Variants in EXOC3 observed in about 807,000 individuals in gnomAD.
EXOC3 encodes exocyst complex component 3, also known as SEC6-like 1.
Under a neutral mutation model 73.7 loss-of-function variants are expected in EXOC3, and 21 were observed. The observed-to-expected ratio is 0.29, with a 90% confidence interval of 0.20 to 0.41. The LOEUF is 0.41. EXOC3 is among the 10% of genes least tolerant of loss of function. The probability of loss-of-function intolerance (pLI) is 1.00; values close to 1 mark genes in which losing one functional copy is unlikely to be tolerated. For missense variants in EXOC3, 842 were observed against 985.1 expected, an observed-to-expected ratio of 0.85 and a Z score of 1.95; for synonymous variants, 410 against 389.1, an observed-to-expected ratio of 1.05 and a Z score of -0.63.
chr5:464,862 C>G (rs1738093332), intron 10 of EXOC3: 1 of 557,356 alleles, frequency 1.8e-6, no homozygotes, highest in African/African-American at 1.9e-5. Context: ...ATGCGCGGCA[C>G]TGCCTCGCCC....
intron 11 of EXOC3, 120 bp downstream of exon 11, chr5:465,392 G>T: frequency 8.2e-7 from 1 of 1,216,060 alleles, no homozygotes; most frequent in South Asian, 1.4e-5. Flanking sequence ...GGCGGGGGGA[G>T]CCTGGGTCCA....
At chr5:462,340 G>C in intron 9 of EXOC3, 33 bp downstream of exon 9, 1 of 1,613,274 alleles carries the variant, frequency 6.2e-7, no homozygotes, top group African/African-American at 1.3e-5. Context: ...GCCGTTTTCT[G>C]GGCCGAAGCC....
chr5:462,161 T>C lies in EXOC3; in HGVS notation c.1507T>C (p.Ser503Pro), dbSNP rs1277288447. The C allele has an allele frequency of 1.9e-6, 3 of 1,613,750 alleles. No homozygotes were observed. Among genetic ancestry groups the C allele is most frequent in the Non-Finnish European group, 1.7e-6 (2 of 1,179,854 alleles). ...IINNCQTFKESIVSLKRKYLK... is the reference protein window; with the variant it reads ...IINNCQTFKEPIVSLKRKYLK... ...ACCTGAACCCTTTCCTTGCAGGGAA[T>C]CCATAGTCAGTTTAAAAAGAAAGTA... The change falls in exon 9 of 13, where the codon TCC becomes CCC. Residue 503 changes from serine to proline, a missense_variant. By Grantham distance (74) the Ser-to-Pro change is moderately conservative. Coordinates refer to ENST00000512944, the MANE Select transcript of EXOC3 (RefSeq NM_007277.5).
chr5:447,698 G>A lies in EXOC3; in HGVS notation c.310G>A (p.Val104Met), dbSNP rs756997796. 6 of 1,590,102 alleles carry A rather than the reference G, an allele frequency of 3.8e-6. No individual in the cohort carries two copies. The African/African-American group carries it at 5.4e-5, about 14-fold the overall frequency. ...ESLKDVKDAV[V>M]QHSQLAAAVE... ...CCTCAAGGACGTCAAAGACGCCGTG[G>A]TGCAGCACAGCCAGCTCGCCGCAGC... The change falls in exon 3 of 13, where the codon GTG becomes ATG. Residue 104 changes from valine (V) to methionine (M), a missense_variant. Val to Met is a conservative substitution (Grantham distance 21, BLOSUM62 1). Transcript: ENST00000512944.
chr5:466,635 G>A (rs1193917221), intron 12 of EXOC3, 92 bp from the exon 13 acceptor site: 3 of 1,319,138 alleles, frequency 2.3e-6, no homozygotes, highest in Non-Finnish European at 3.1e-6. Flanking sequence ...CCTGTGTTCT[G>A]TCAGCTGGGG....
intron 6 of EXOC3, 86 bp downstream of exon 6, chr5:458,111 G>T: frequency 1.4e-6 from 2 of 1,391,644 alleles, no homozygotes; most frequent in Non-Finnish European, 2.0e-6. Context: ...CAGATACCTG[G>T]GATCTTCATC....
At chr5:456,043 T>C (rs1361615720) in intron 4 of EXOC3, among the ~76,000 whole-genome samples, 1 of 152,256 alleles carries the variant, frequency 6.6e-6, no homozygotes, top group Non-Finnish European at 1.5e-5. Flanking sequence ...GTTCCAGTCA[T>C]CACCGTCTGC....
chr5:454,964 G>A (rs1323117878), intron 4 of EXOC3, among the ~76,000 whole-genome samples: 1 of 149,764 alleles, frequency 6.7e-6, no homozygotes, highest in African/African-American at 2.5e-5. Flanking sequence ...CAATACAGAA[G>A]GACAGAAGAG....
Position 465,211 on chromosome 5 carries a change from G to T in EXOC3, c.1877G>T (p.Gly626Val), listed in dbSNP as rs768980216. The T allele has an allele frequency of 3.8e-6, 6 of 1,594,016 alleles. No individual in the cohort carries two copies. Among genetic ancestry groups the T allele is most frequent in the Non-Finnish European group, 5.1e-6 (6 of 1,170,660 alleles). Reference protein sequence around the residue: ...SFRSPEERKEGAEKMVREAEQ... With the variant: ...SFRSPEERKEVAEKMVREAEQ... ...CGGAGCCCGGAGGAGCGCAAGGAGGGTGCCGAGAAGATGGTTAGGGAGGCA... is the reference window on the plus strand; with the variant it reads ...CGGAGCCCGGAGGAGCGCAAGGAGGTTGCCGAGAAGATGGTTAGGGAGGCA... The change falls in exon 11 of 13, where the codon GGT becomes GTT. Residue 626 changes from glycine (G) to valine (V), a missense_variant. By Grantham distance (109) the Gly-to-Val change is moderately radical. Coordinates refer to ENST00000512944, the MANE Select transcript of EXOC3 (RefSeq NM_007277.5).
chr5:466,696 T>C (rs2434697), intron 12 of EXOC3, 31 bp from the exon 13 acceptor site: 1,385,546 of 1,592,376 alleles, frequency 0.87, 606,349 homozygotes, highest in African/African-American at 0.91. Flanking sequence ...GGCTGCTAAG[T>C]GGGCATGGGC....
chr5:464,866 C>G, intron 10 of EXOC3: 1 of 562,102 alleles, frequency 1.8e-6, no homozygotes, highest in Non-Finnish European at 3.1e-6. Context: ...GCGGCACTGC[C>G]TCGCCCGCGT....
In EXOC3 at chr5:448,363, TTC is replaced by T. The variant is rs144400480; in HGVS notation, c.364+612_364+613del. Reference sequence around the variant, plus strand: ...TGGGTGGTGGCTCCCAGCATTTGTGTTCACAGTCTCCTCCTGCTTGCTGTGAC... The same window carrying T: ...TGGGTGGTGGCTCCCAGCATTTGTGTACAGTCTCCTCCTGCTTGCTGTGAC... On this transcript the variant is annotated intron_variant, in intron 3 of 12. Transcript: ENST00000512944. Among the ~76,000 whole-genome samples, 1,291 of 152,262 alleles carry T rather than the reference TTC, an allele frequency of 8.5e-3. 9 individuals carry two copies. The highest frequency in any genetic ancestry group is 0.013 in the Non-Finnish European group (911 of 68,008).
chr5:457,143 C>T (rs964953109), intron 5 of EXOC3, 137 bp downstream of exon 5: 84 of 655,248 alleles, frequency 1.3e-4, no homozygotes, highest in Admixed American at 6.9e-4. Flanking sequence ...TGCCCGGGCT[C>T]TGCTTCCAGG....
At chr5:445,412 C>T (rs1009650965) in intron 1 of EXOC3, among the ~76,000 whole-genome samples, 1 of 148,958 alleles carries the variant, frequency 6.7e-6, no homozygotes, top group Non-Finnish European at 1.5e-5. Context: ...TGCAGTGGCG[C>T]GATCTCGGCT....
intron 3 of EXOC3, among the ~76,000 whole-genome samples, chr5:452,501 T>A (rs1444323251): frequency 1.3e-5 from 2 of 152,252 alleles, no homozygotes; most frequent in African/African-American, 4.8e-5. Flanking sequence ...CTCTAGTAGA[T>A]CTGCCATCAG....
intron 1 of EXOC3, chr5:445,144 G>A (rs1317769294): frequency 6.6e-6 from 1 of 152,178 alleles, no homozygotes; most frequent in Non-Finnish European, 1.5e-5. Context: ...TTCCCTCATT[G>A]ACTGATGCTC....
intron 4 of EXOC3, among the ~76,000 whole-genome samples, chr5:456,240 C>A (rs759928831): frequency 9.9e-5 from 15 of 152,228 alleles, no homozygotes; most frequent in Non-Finnish European, 2.2e-4. Flanking sequence ...TGCTCTAAAT[C>A]ATTTCTAGAT....
intron 4 of EXOC3, among the ~76,000 whole-genome samples, chr5:454,968 A>C (rs1737764640): frequency 6.6e-6 from 1 of 151,022 alleles, no homozygotes; most frequent in African/African-American, 2.4e-5. Flanking sequence ...ACAGAAGGAC[A>C]GAAGAGAAAG....
At chr5:454,751 A>G (rs1395790537) in intron 4 of EXOC3, among the ~76,000 whole-genome samples, 2 of 152,076 alleles carry the variant, frequency 1.3e-5, no homozygotes, top group East Asian at 3.9e-4. Context: ...AATTTATTTC[A>G]ATTTTCCATG....
Sources: gnomAD v4.1 joint callset for allele counts (sites outside exome capture counted in the v4.1 genomes callset) on GRCh38, gnomAD v4.1.1 for gene constraint, MANE v1.5 for transcripts, NCBI Gene and HGNC (gene_info 2026-07-23, HGNC 2026-07-21) for gene names.